Variants in CNTNAP5 observed in about 807,000 individuals in gnomAD.
CNTNAP5 encodes contactin associated protein family member 5.
Under a neutral mutation model 150.2 loss-of-function variants are expected in CNTNAP5, and 72 were observed. The ratio of observed to expected loss-of-function variants is 0.48; its 90% CI spans 0.40 to 0.58. CNTNAP5 has a LOEUF of 0.58. CNTNAP5 is among the 20% of genes least tolerant of loss of function. The probability of loss-of-function intolerance (pLI) is 0.00; values close to 1 mark genes in which losing one functional copy is unlikely to be tolerated. For synonymous variants in CNTNAP5, 672 were observed against 619.8 expected, an observed-to-expected ratio of 1.08 and a Z score of -1.25; for missense variants, 1,636 against 1,626.2, an observed-to-expected ratio of 1.01 and a Z score of -0.10.
chr2:124,508,268 A>C (rs758903984), intron 8 of CNTNAP5, among the ~76,000 whole-genome samples: 2 of 152,236 alleles, frequency 1.3e-5, no homozygotes, highest in Non-Finnish European at 2.9e-5. Flanking sequence ...GTGCAGTCAG[A>C]CGATTTTTAT....
At chr2:124,246,132 G>A (rs1687017036) in intron 3 of CNTNAP5, among the ~76,000 whole-genome samples, 1 of 152,044 alleles carries the variant, frequency 6.6e-6, no homozygotes. Flanking sequence ...CTTTAAAATT[G>A]ATTTACCAAA....
intron 21 of CNTNAP5, among the ~76,000 whole-genome samples, chr2:124,876,045 G>A (rs1189259098): frequency 2.0e-5 from 3 of 152,058 alleles, no homozygotes; most frequent in African/African-American, 4.8e-5. Flanking sequence ...ACTGCTTACC[G>A]CTTGGAGGTG....
intron 3 of CNTNAP5, among the ~76,000 whole-genome samples, chr2:124,264,772 G>A (rs749498584): frequency 4.6e-5 from 7 of 152,172 alleles, no homozygotes; most frequent in South Asian, 2.1e-4. Context: ...ACAGACAGCC[G>A]ACAGCAGCTC....
intron 1 of CNTNAP5, among the ~76,000 whole-genome samples, chr2:124,077,675 C>T (rs192250216): frequency 6.7e-4 from 102 of 152,286 alleles, no homozygotes; most frequent in Non-Finnish European, 1.1e-3. Context: ...TGCCATCATG[C>T]CTGTGTTTAG....
chr2:124,614,343 GA>G (rs1677450880), intron 12 of CNTNAP5, among the ~76,000 whole-genome samples: 1 of 152,156 alleles, frequency 6.6e-6, no homozygotes, highest in African/African-American at 2.4e-5. Flanking sequence ...CTTCACTCAA[GA>G]AAGAATTTGG....
At chr2:124,219,706 G>T (rs181338030) in intron 1 of CNTNAP5, among the ~76,000 whole-genome samples, 3 of 152,036 alleles carry the variant, frequency 2.0e-5, no homozygotes, top group African/African-American at 4.8e-5. Flanking sequence ...TCTGCATTAC[G>T]TTGAATATAA....
intron 13 of CNTNAP5, among the ~76,000 whole-genome samples, chr2:124,658,702 A>G (rs1678510903): frequency 6.6e-6 from 1 of 152,164 alleles, no homozygotes; most frequent in Admixed American, 6.5e-5. Flanking sequence ...AAAACAATTT[A>G]TTACTGTAGC....
intron 2 of CNTNAP5, among the ~76,000 whole-genome samples, chr2:124,230,941 C>G (rs1686601697): frequency 6.6e-6 from 1 of 152,124 alleles, no homozygotes; most frequent in South Asian, 2.1e-4. Flanking sequence ...TTCTTGTGTC[C>G]TGTCCTAGCT....
At chr2:124,523,443 C>A (rs1216716335) in intron 8 of CNTNAP5, among the ~76,000 whole-genome samples, 1 of 152,170 alleles carries the variant, frequency 6.6e-6, no homozygotes, top group Non-Finnish European at 1.5e-5. Context: ...ACCACCAGGA[C>A]ACAGTCTTAA....
At chr2:124,533,447 C>G (rs994933978) in intron 10 of CNTNAP5, among the ~76,000 whole-genome samples, 1 of 152,162 alleles carries the variant, frequency 6.6e-6, no homozygotes, top group African/African-American at 2.4e-5. Flanking sequence ...GGTGGCCGTA[C>G]TCTGAGAACA....
At chr2:124,754,181 C>A (rs1425029695) in intron 14 of CNTNAP5, among the ~76,000 whole-genome samples, 1 of 152,142 alleles carries the variant, frequency 6.6e-6, no homozygotes, top group Non-Finnish European at 1.5e-5. Flanking sequence ...CACATAGTAT[C>A]TTGAGAAGGG....
At position 124,528,977 on chromosome 2, in the gene CNTNAP5, A is replaced by G. The variant is rs1054197874; in HGVS notation, c.1649+1521A>G. On this transcript the variant is annotated intron_variant, in intron 10 of 23. Coordinates refer to ENST00000682447, the MANE Select transcript of CNTNAP5 (RefSeq NM_001367498.1). Reference sequence around the variant, plus strand: ...AGAATGAGCTGCGTAACTTGGTGAAAATTTACACACATTTCTCCATTAATA... The same window carrying G: ...AGAATGAGCTGCGTAACTTGGTGAAGATTTACACACATTTCTCCATTAATA... 2.8e-4 allele frequency among the ~76,000 whole-genome samples: 42 copies of G among 152,090 alleles called. 3 individuals carry two copies. Among genetic ancestry groups the G allele is most frequent in the Non-Finnish European group, 1.5e-5 (1 of 68,018 alleles).
At chr2:124,492,834 A>AC (rs34456340) in intron 7 of CNTNAP5, among the ~76,000 whole-genome samples, 57,158 of 151,946 alleles carry the variant, frequency 0.38, 11,155 homozygotes, top group South Asian at 0.57. Flanking sequence ...TTGCAACTTT[A>AC]GGAATTTATT....
intron 13 of CNTNAP5, among the ~76,000 whole-genome samples, chr2:124,732,435 G>C (rs1055166582): frequency 8.5e-5 from 13 of 152,098 alleles, no homozygotes; most frequent in African/African-American, 2.4e-4. Flanking sequence ...ATCAGACCAT[G>C]AGGATAAAGT....
chr2:124,423,652 CTTTTTTTTTTTTTTTTTTTT>C (rs1187961580), intron 4 of CNTNAP5, among the ~76,000 whole-genome samples: 1 of 41,586 alleles, frequency 2.4e-5, no homozygotes, highest in African/African-American at 1.0e-4. Flanking sequence ...GGCTAATTAA[CTTTTTTTTTTTTTTTTTTTT>C]TTTTTTTTTT....
intron 7 of CNTNAP5, among the ~76,000 whole-genome samples, chr2:124,498,253 C>T (rs1443479841): frequency 6.6e-6 from 1 of 152,174 alleles, no homozygotes; most frequent in Non-Finnish European, 1.5e-5. Context: ...CCTGAACTGG[C>T]ACCTGTCTAA....
At chr2:124,298,879 G>T (rs1688504636) in intron 3 of CNTNAP5, among the ~76,000 whole-genome samples, 2 of 152,096 alleles carry the variant, frequency 1.3e-5, no homozygotes, top group Admixed American at 6.5e-5. Context: ...ACCACTTAGT[G>T]CTGAAACAAT....
intron 12 of CNTNAP5, among the ~76,000 whole-genome samples, chr2:124,636,931 A>G (rs1345826060): frequency 1.2e-5 from 1 of 81,796 alleles, no homozygotes; most frequent in Non-Finnish European, 3.6e-5. Context: ...ATTTTCTCAG[A>G]CATTTTAAAA....
chr2:124,033,611 A>G (rs1681124055), intron 1 of CNTNAP5, among the ~76,000 whole-genome samples: 2 of 152,342 alleles, frequency 1.3e-5, no homozygotes, highest in Admixed American at 1.3e-4. Context: ...CTGCCTTGCT[A>G]AACAACATGG....
Sources: gnomAD v4.1 joint callset for allele counts (sites outside exome capture counted in the v4.1 genomes callset) on GRCh38, gnomAD v4.1.1 for gene constraint, MANE v1.5 for transcripts, NCBI Gene and HGNC (gene_info 2026-07-23, HGNC 2026-07-21) for gene names.